Variants in GPC1 observed in about 807,000 individuals in gnomAD.
GPC1 encodes glypican 1.
Under a neutral mutation model 51.5 loss-of-function variants are expected in GPC1, and 26 were observed. That is an observed-to-expected ratio of 0.50 (90% CI 0.37 to 0.70). The LOEUF (loss-of-function observed/expected upper bound fraction) is 0.70. Among genes scored for constraint, GPC1 ranks in the 30% least tolerant of loss-of-function variants. The pLI, the probability that GPC1 is intolerant of heterozygous loss-of-function variation, is 0.00. For synonymous variants in GPC1, 380 were observed against 348.3 expected (o/e 1.09, Z -1.01); for missense variants, 775 against 800.5 (o/e 0.97, Z 0.38).
At chr2:240,456,121 T>G (rs71428440) in intron 1 of GPC1, 27,079 of 278,416 alleles carry the variant, frequency 0.097, 1,601 homozygotes, top group Non-Finnish European at 0.12. Flanking sequence ...GCTGGGCGAG[T>G]TGGCCGGGCG....
At chr2:240,440,522 C>T (rs1574755186) in intron 1 of GPC1, among the ~76,000 whole-genome samples, 2 of 152,266 alleles carry the variant, frequency 1.3e-5, no homozygotes, top group Admixed American at 6.5e-5. Flanking sequence ...TCATTTAGAA[C>T]GTTTAACCGG....
chr2:240,442,570 C>T (rs1362685168), intron 1 of GPC1: 1 of 152,362 alleles, frequency 6.6e-6, no homozygotes, highest in Non-Finnish European at 1.5e-5. Context: ...CCGAATTCCC[C>T]CTCTTCACAA....
intron 1 of GPC1, chr2:240,456,061 G>A: frequency 2.5e-6 from 1 of 402,576 alleles, no homozygotes; most frequent in Non-Finnish European, 5.0e-6. Flanking sequence ...GAGGGAGGGA[G>A]GGACGGGGGC....
At chr2:240,453,328 TCCCACCGC>T (rs1559198150) in intron 1 of GPC1, among the ~76,000 whole-genome samples, 8 of 7,696 alleles carry the variant, frequency 1.0e-3, no homozygotes, top group South Asian at 7.2e-3. Context: ...CCCGCCCCGC[TCCCACCGC>T]CCGCCCCGCT....
chr2:240,458,280 C>A (rs1188056817), intron 1 of GPC1: 2 of 300,356 alleles, frequency 6.7e-6, no homozygotes, highest in Non-Finnish European at 1.4e-5. Context: ...CAAAGCCTGT[C>A]CTGTCCCCAC....
intron 1 of GPC1, among the ~76,000 whole-genome samples, chr2:240,445,434 C>T (rs963774381): frequency 3.9e-5 from 6 of 152,180 alleles, no homozygotes; most frequent in African/African-American, 1.4e-4. Flanking sequence ...TGCCCTTCCA[C>T]AAACGCCAGT....
rs2074277718 is a variant in GPC1, at chr2:240,467,748, TGAC to T, written c.*1459_*1461del. On this transcript the variant is annotated 3_prime_UTR_variant, in exon 9 of 9. Coordinates refer to ENST00000264039, the MANE Select transcript of GPC1 (RefSeq NM_002081.3). ...TCCCCATGGCTTGTTCTCTGGAACC[TGAC>T]TTTAGATGTTTTGGGATCAGGAGCC... The T allele has an allele frequency of 6.6e-6, 1 of 152,278 alleles. No individual in the cohort carries two copies. The allele number at this position is 152,278 out of a possible 1,614,324, so 9.4% of individuals were successfully genotyped here.
intron 1 of GPC1, chr2:240,452,884 C>A (rs2074113908): frequency 8.4e-6 from 2 of 238,722 alleles, no homozygotes; most frequent in Non-Finnish European, 1.7e-5. Context: ...GGACCGCAGC[C>A]CGCCCTCGTC....
At chr2:240,444,983 C>A (rs1283618260) in intron 1 of GPC1, among the ~76,000 whole-genome samples, 1 of 152,218 alleles carries the variant, frequency 6.6e-6, no homozygotes, top group Non-Finnish European at 1.5e-5. Context: ...AGGGTTGGCT[C>A]AGGCGTTTAC....
At chr2:240,444,060 G>T (rs2074034284) in intron 1 of GPC1, among the ~76,000 whole-genome samples, 1 of 152,218 alleles carries the variant, frequency 6.6e-6, no homozygotes. Context: ...GGCCTGAGGG[G>T]CACCGGGAGC....
intron 3 of GPC1, among the ~76,000 whole-genome samples, chr2:240,463,044 C>T (rs931066251): frequency 3.9e-5 from 6 of 152,208 alleles, no homozygotes. Context: ...GCCTCAGACC[C>T]ACATGCCCTG....
At chr2:240,453,645 C>T (rs1259769601) in intron 1 of GPC1, among the ~76,000 whole-genome samples, 4 of 148,670 alleles carry the variant, frequency 2.7e-5, no homozygotes, top group African/African-American at 9.9e-5. Flanking sequence ...CCCCTCTCCC[C>T]GCCCGCCCCC....
At chr2:240,443,431 T>C (rs935526550) in intron 1 of GPC1, among the ~76,000 whole-genome samples, 2 of 152,136 alleles carry the variant, frequency 1.3e-5, no homozygotes, top group Non-Finnish European at 2.9e-5. Context: ...GGCCCGCTGC[T>C]CTCTTGTGCT....
In GPC1 at chr2:240,462,344, A is replaced by T; in HGVS notation, c.479A>T (p.Glu160Val). Reference protein sequence around the residue: ...LYYRGANLHLEETLAEFWARL... With the variant: ...LYYRGANLHLVETLAEFWARL... Reference sequence around the variant, plus strand: ...TACCGCGGTGCCAACCTGCACCTGGAGGAGACGCTGGCCGAGTTCTGGGCC... The same window carrying T: ...TACCGCGGTGCCAACCTGCACCTGGTGGAGACGCTGGCCGAGTTCTGGGCC... Residue 160 changes from glutamate to valine, a missense_variant, in exon 3 of 9, where the codon GAG becomes GTG. Transcript: ENST00000264039. The T allele has an allele frequency of 1.9e-6, 3 of 1,600,934 alleles. No individual in the cohort carries two copies. The highest frequency in any genetic ancestry group is 2.6e-6 in the Non-Finnish European group (3 of 1,174,494).
chr2:240,439,912 G>A (rs914486412), intron 1 of GPC1, among the ~76,000 whole-genome samples: 42 of 152,338 alleles, frequency 2.8e-4, no homozygotes, highest in African/African-American at 9.4e-4. Flanking sequence ...GCCCTGATCC[G>A]ACAGGGCCAC....
At chr2:240,456,136 T>G in intron 1 of GPC1, 1 of 268,000 alleles carries the variant, frequency 3.7e-6, no homozygotes, top group Non-Finnish European at 7.4e-6. Flanking sequence ...CGGGCGGGGC[T>G]GAGGGGTCGG....
At chr2:240,463,318 G>T (rs1220379346) in intron 3 of GPC1, 29 bp from the exon 4 acceptor site, 2 of 1,606,834 alleles carry the variant, frequency 1.2e-6, no homozygotes, top group Non-Finnish European at 1.7e-6. Context: ...AGGGCCTCGG[G>T]GCCTGGCTTA....
chr2:240,467,236 G>C lies in GPC1; in HGVS notation c.*946G>C, dbSNP rs1057428317. Reference sequence around the variant, plus strand: ...TCAGGGCTCAGAGTGACCCTCAGCTGTCACCTGCTCACAGGGATGCTGGTG... The same window carrying C: ...TCAGGGCTCAGAGTGACCCTCAGCTCTCACCTGCTCACAGGGATGCTGGTG... On this transcript the variant is annotated 3_prime_UTR_variant, in exon 9 of 9. Transcript: ENST00000264039. The C allele has an allele frequency of 6.6e-6, 1 of 152,308 alleles. No individual in the cohort carries two copies. The highest frequency in any genetic ancestry group is 1.5e-5 in the Non-Finnish European group (1 of 68,092). 9.4% of individuals were successfully genotyped at this position (152,308 alleles called of 1,614,324 possible). A position where few individuals can be genotyped will look rare whatever the true frequency, so the allele number is the denominator to read the frequency against.
intron 1 of GPC1, chr2:240,451,768 G>A (rs1220527171): frequency 3.2e-5 from 5 of 156,058 alleles, no homozygotes; most frequent in South Asian, 2.0e-4. Context: ...CACAGGGCAC[G>A]CGGCTTCTTG....
Sources: gnomAD v4.1 joint callset for allele counts (sites outside exome capture counted in the v4.1 genomes callset) on GRCh38, gnomAD v4.1.1 for gene constraint, MANE v1.5 for transcripts, NCBI Gene and HGNC (gene_info 2026-07-23, HGNC 2026-07-21) for gene names.